Variants in ROBO1 observed in about 807,000 individuals in gnomAD.
ROBO1 encodes roundabout guidance receptor 1, also known as roundabout homolog 1.
In ROBO1, 149 loss-of-function variants were observed where a neutral mutation model predicts 195.9. That is an observed-to-expected ratio of 0.76 (90% CI 0.67 to 0.87). The LOEUF (loss-of-function observed/expected upper bound fraction) is 0.87. ROBO1 is among the 40% of genes least tolerant of loss of function. The pLI is 0.00. For missense variants in ROBO1, 1,933 were observed against 2,068.3 expected, an observed-to-expected ratio of 0.93 and a Z score of 1.27; for synonymous variants, 816 against 733.2, an observed-to-expected ratio of 1.11 and a Z score of -1.82.
chr3:79,406,163 C>G (rs2037538292), intron 2 of ROBO1, among the ~76,000 whole-genome samples: 1 of 151,362 alleles, frequency 6.6e-6, no homozygotes, highest in Non-Finnish European at 1.5e-5. Context: ...CTGGAGATAA[C>G]CGTAGAGGGT....
chr3:79,442,717 A>T (rs1339563697), intron 2 of ROBO1, among the ~76,000 whole-genome samples: 2 of 152,158 alleles, frequency 1.3e-5, no homozygotes, highest in Non-Finnish European at 2.9e-5. Context: ...GGTGGAACCA[A>T]CTTTTGATAC....
At chr3:78,953,530 T>C (rs1273215163) in intron 3 of ROBO1, among the ~76,000 whole-genome samples, 1 of 151,952 alleles carries the variant, frequency 6.6e-6, no homozygotes, top group Admixed American at 6.6e-5. Flanking sequence ...CTTAACAGCC[T>C]GAAGTCTACC....
intron 4 of ROBO1, among the ~76,000 whole-genome samples, chr3:78,910,571 A>C (rs1317051991): frequency 6.6e-6 from 1 of 151,978 alleles, no homozygotes; most frequent in Admixed American, 6.6e-5. Flanking sequence ...AATCTTGTAG[A>C]AAACTCCAAA....
At chr3:78,673,605 T>TATATATATATATACAC (rs779997525) in intron 10 of ROBO1, among the ~76,000 whole-genome samples, 2 of 53,278 alleles carry the variant, frequency 3.8e-5, no homozygotes, top group Admixed American at 2.8e-4. Context: ...TATATATATA[T>TATATATATATATACAC]ACACACATAT....
intron 3 of ROBO1, among the ~76,000 whole-genome samples, chr3:78,957,426 T>C (rs973591009): frequency 5.9e-5 from 9 of 152,154 alleles, no homozygotes; most frequent in Non-Finnish European, 1.2e-4. Context: ...CTGTGTGCAC[T>C]TAATCAATGC....
At chr3:79,061,534 A>G (rs2078917520) in intron 3 of ROBO1, among the ~76,000 whole-genome samples, 1 of 152,126 alleles carries the variant, frequency 6.6e-6, no homozygotes, top group Non-Finnish European at 1.5e-5. Flanking sequence ...GAAAGAGCCC[A>G]TATAGCCAAG....
At chr3:79,450,486 T>C (rs1559908576) in intron 2 of ROBO1, among the ~76,000 whole-genome samples, 1 of 152,160 alleles carries the variant, frequency 6.6e-6, no homozygotes, top group East Asian at 1.9e-4. Flanking sequence ...ACTTTTCAGT[T>C]ATACGAATAA....
chr3:79,634,554 C>A (rs1228755255), intron 1 of ROBO1, among the ~76,000 whole-genome samples: 2 of 152,106 alleles, frequency 1.3e-5, no homozygotes, highest in Non-Finnish European at 1.5e-5. Context: ...GAATTAATAT[C>A]TCATTTTAAT....
At chr3:79,073,587 G>T (rs1227799413) in intron 3 of ROBO1, among the ~76,000 whole-genome samples, 1 of 151,796 alleles carries the variant, frequency 6.6e-6, no homozygotes, top group Non-Finnish European at 1.5e-5. Context: ...AGTACTGAAA[G>T]AACATAATCA....
At chr3:79,247,756 A>G (rs1352219426) in intron 2 of ROBO1, among the ~76,000 whole-genome samples, 7 of 152,114 alleles carry the variant, frequency 4.6e-5, no homozygotes, top group African/African-American at 1.7e-4. Context: ...CATACTCCTC[A>G]AGTAATATGC....
intron 1 of ROBO1, among the ~76,000 whole-genome samples, chr3:79,749,165 T>C (rs562950881): frequency 5.1e-4 from 78 of 152,200 alleles, no homozygotes; most frequent in African/African-American, 1.8e-3. Context: ...TGTTGGAAAC[T>C]GGAGTAAGGG....
intron 2 of ROBO1, among the ~76,000 whole-genome samples, chr3:79,327,054 C>T (rs768050399): frequency 6.6e-6 from 1 of 152,074 alleles, no homozygotes; most frequent in Non-Finnish European, 1.5e-5. Flanking sequence ...ATACAAAATA[C>T]TTAACACATA....
At chr3:78,717,148 A>C in intron 7 of ROBO1, 127 bp downstream of exon 7, 1 of 947,232 alleles carries the variant, frequency 1.1e-6, no homozygotes, top group Non-Finnish European at 1.5e-6. Flanking sequence ...TATCTCCAGT[A>C]TTGTATCTGG....
intron 2 of ROBO1, among the ~76,000 whole-genome samples, chr3:79,165,113 A>G (rs577875896): frequency 1.3e-5 from 2 of 152,232 alleles, no homozygotes; most frequent in East Asian, 3.9e-4. Context: ...GGAATTCTTG[A>G]TATTTGTTTA....
chr3:78,802,938 T>C (rs1458749726), intron 4 of ROBO1, among the ~76,000 whole-genome samples: 1 of 152,138 alleles, frequency 6.6e-6, no homozygotes, highest in African/African-American at 2.4e-5. Context: ...CAAAGAGACA[T>C]AGCCAGTAAG....
intron 2 of ROBO1, among the ~76,000 whole-genome samples, chr3:79,428,269 C>G (rs780674260): frequency 6.6e-6 from 1 of 151,964 alleles, no homozygotes; most frequent in Non-Finnish European, 1.5e-5. Flanking sequence ...TACACACCTA[C>G]TATGTACCCA....
intron 2 of ROBO1, among the ~76,000 whole-genome samples, chr3:79,513,768 C>A (rs1465396757): frequency 6.6e-6 from 1 of 151,804 alleles, no homozygotes; most frequent in African/African-American, 2.4e-5. Flanking sequence ...GTTGATATGC[C>A]AACTTCATTA....
chr3:79,409,042 T>C (rs2037666165), intron 2 of ROBO1, among the ~76,000 whole-genome samples: 1 of 152,130 alleles, frequency 6.6e-6, no homozygotes, highest in Admixed American at 6.6e-5. Flanking sequence ...CATGAGTTCA[T>C]GATTTTAAGA....
chr3:78,885,806 A>G (rs564287095), intron 4 of ROBO1, among the ~76,000 whole-genome samples: 131 of 150,934 alleles, frequency 8.7e-4, no homozygotes, highest in African/African-American at 3.0e-3. Flanking sequence ...TACATGGACT[A>G]TTTAATTTTA....
Sources: allele counts gnomAD v4.1 joint callset (sites outside exome capture counted in the v4.1 genomes callset), GRCh38; gene constraint gnomAD v4.1.1; transcripts MANE v1.5; gene names NCBI Gene and HGNC (gene_info 2026-07-23, HGNC 2026-07-21).